The following TMEFF1 variants were observed in gnomAD, a reference collection of about 807,000 sequenced individuals.
TMEFF1 encodes transmembrane protein with EGF like and two follistatin like domains 1, also known as tomoregulin-1.
A neutral mutation model predicts 47.5 loss-of-function variants in TMEFF1; 20 were observed. That is an observed-to-expected ratio of 0.42 (90% CI 0.30 to 0.61). The LOEUF (loss-of-function observed/expected upper bound fraction) is 0.61. Ranked by LOEUF, TMEFF1 falls within the 20% of genes least tolerant of loss-of-function variation. The probability of loss-of-function intolerance (pLI) is 0.19; values close to 1 mark genes in which losing one functional copy is unlikely to be tolerated. For missense variants in TMEFF1, 411 were observed against 471.1 expected, an observed-to-expected ratio of 0.87 and a Z score of 1.18; for synonymous variants, 162 against 166.3, an observed-to-expected ratio of 0.97 and a Z score of 0.20.
intron 8 of TMEFF1, among the ~76,000 whole-genome samples, chr9:100,565,811 CATCT>C (rs1839115507): frequency 6.6e-6 from 1 of 151,948 alleles, no homozygotes; most frequent in South Asian, 2.1e-4. Context: ...TTATTTATTC[CATCT>C]TGGAAAAAAA....
intron 1 of TMEFF1, among the ~76,000 whole-genome samples, chr9:100,476,824 G>T (rs1440793344): frequency 6.6e-6 from 1 of 151,140 alleles, no homozygotes; most frequent in Non-Finnish European, 1.5e-5. Context: ...AGCCTCCCCA[G>T]TAGCTGGGAC....
chr9:100,508,871 C>T (rs758662490), intron 2 of TMEFF1, 134 bp from the exon 3 acceptor site: 192 of 975,140 alleles, frequency 2.0e-4, no homozygotes, highest in Admixed American at 4.5e-4. Context: ...CTTTTTAAGC[C>T]AAAAAAAAAA....
At position 100,494,236 on chromosome 9, in the gene TMEFF1, G is replaced by A. The variant is rs1354348517; in HGVS notation, c.197-4529G>A. The stretch of plus-strand genomic sequence containing the variant: ...AAAAAAAAAAAAAAAAAAAAGTAAG[G>A]TGTCAGAGCACCAGCAAGTCATGAT... On this transcript the variant is annotated intron_variant, in intron 1 of 9. Coordinates refer to ENST00000374879, the MANE Select transcript of TMEFF1 (RefSeq NM_003692.5). Among the ~76,000 whole-genome samples, 8 of 150,362 alleles carry A rather than the reference G, an allele frequency of 5.3e-5. No homozygotes were observed. The South Asian group carries it at 1.7e-3, about 32-fold the overall frequency.
At chr9:100,570,089 C>T (rs760644254) in intron 8 of TMEFF1, among the ~76,000 whole-genome samples, 13 of 152,266 alleles carry the variant, frequency 8.5e-5, no homozygotes, top group South Asian at 4.2e-4. Context: ...TCTGGAGGTT[C>T]ATCCATGCAA....
chr9:100,570,811 A>G (rs749358372), intron 8 of TMEFF1, among the ~76,000 whole-genome samples: 1 of 152,086 alleles, frequency 6.6e-6, no homozygotes, highest in Non-Finnish European at 1.5e-5. Context: ...GTGCTTTGCG[A>G]TAAGCTGCCT....
At chr9:100,508,324 A>T (rs1302438766) in intron 2 of TMEFF1, among the ~76,000 whole-genome samples, 1 of 151,906 alleles carries the variant, frequency 6.6e-6, no homozygotes, top group East Asian at 1.9e-4. Context: ...CATTTCTCAA[A>T]CCTGTATTAC....
chr9:100,502,528 T>TA (rs1462587156), intron 2 of TMEFF1, among the ~76,000 whole-genome samples: 1 of 152,014 alleles, frequency 6.6e-6, no homozygotes, highest in South Asian at 2.1e-4. Context: ...CCTGGCTGAT[T>TA]AAAAAAATTT....
intron 1 of TMEFF1, among the ~76,000 whole-genome samples, chr9:100,480,020 C>T (rs750281376): frequency 6.6e-6 from 1 of 152,190 alleles, no homozygotes; most frequent in African/African-American, 2.4e-5. Flanking sequence ...CCAGCATCTT[C>T]TCCAACACTT....
intron 1 of TMEFF1, among the ~76,000 whole-genome samples, chr9:100,488,700 A>G (rs1396076611): frequency 6.6e-6 from 1 of 152,208 alleles, no homozygotes; most frequent in East Asian, 1.9e-4. Context: ...CCCATTTTGT[A>G]GATGAAGAAA....
intron 1 of TMEFF1, among the ~76,000 whole-genome samples, chr9:100,489,708 A>G (rs1209232632): frequency 6.6e-6 from 1 of 152,200 alleles, no homozygotes; most frequent in African/African-American, 2.4e-5. Flanking sequence ...CATACATTTT[A>G]AAAAGCCTGA....
At chr9:100,489,487 T>A (rs1053057464) in intron 1 of TMEFF1, among the ~76,000 whole-genome samples, 2 of 152,192 alleles carry the variant, frequency 1.3e-5, no homozygotes, top group African/African-American at 4.8e-5. Flanking sequence ...CACTGCACCC[T>A]GCCTACATAA....
At chr9:100,509,423 CA>C (rs1174177852) in intron 3 of TMEFF1, among the ~76,000 whole-genome samples, 1 of 152,060 alleles carries the variant, frequency 6.6e-6, no homozygotes, top group Non-Finnish European at 1.5e-5. Context: ...GAACAGTAGA[CA>C]GAATGAGCTT....
intron 1 of TMEFF1, among the ~76,000 whole-genome samples, chr9:100,497,298 T>TAA (rs1206743599): frequency 6.8e-6 from 1 of 148,072 alleles, no homozygotes; most frequent in Non-Finnish European, 1.5e-5. Context: ...AGCTTTCTCT[T>TAA]GCTTTAAGTT....
chr9:100,537,744 A>T (rs550915536), intron 5 of TMEFF1, among the ~76,000 whole-genome samples: 55 of 152,314 alleles, frequency 3.6e-4, no homozygotes, highest in Middle Eastern at 3.4e-3. Flanking sequence ...ACCCACGCAT[A>T]GTAGATTGTT....
Position 100,576,730 on chromosome 9 carries a change from T to C in TMEFF1, c.*130T>C, listed in dbSNP as rs1405554162. 8.9e-7 allele frequency: 1 copy of C among 1,122,644 alleles called. No individual in the cohort carries two copies. The highest frequency in any genetic ancestry group is 1.2e-6 in the Non-Finnish European group (1 of 802,126). The allele number at this position is 1,122,644 out of a possible 1,614,324, so 69.5% of individuals were successfully genotyped here. On this transcript the variant is annotated 3_prime_UTR_variant, in exon 10 of 10. Coordinates refer to ENST00000374879, the MANE Select transcript of TMEFF1 (RefSeq NM_003692.5). ...TAGTGTAGTACTGTTGGCTCGTATT[T>C]AGAATATTCAGCTACGACAGTTTTG...
intron 6 of TMEFF1, among the ~76,000 whole-genome samples, chr9:100,549,708 T>C (rs1384706478): frequency 6.6e-6 from 1 of 152,220 alleles, no homozygotes; most frequent in Non-Finnish European, 1.5e-5. Context: ...ATTCCCCATT[T>C]ATCTTAATCT....
At chr9:100,557,442 C>T (rs1420776556) in intron 7 of TMEFF1, among the ~76,000 whole-genome samples, 1 of 152,120 alleles carries the variant, frequency 6.6e-6, no homozygotes, top group African/African-American at 2.4e-5. Context: ...CAAATTTTTC[C>T]ATAATCTAGT....
intron 5 of TMEFF1, among the ~76,000 whole-genome samples, chr9:100,524,480 G>A (rs1838220834): frequency 6.6e-6 from 1 of 152,200 alleles, no homozygotes; most frequent in Admixed American, 6.5e-5. Context: ...TCCCTTTTGG[G>A]GAAGTCAGTG....
At chr9:100,485,747 G>T (rs571005565) in intron 1 of TMEFF1, among the ~76,000 whole-genome samples, 1 of 151,936 alleles carries the variant, frequency 6.6e-6, no homozygotes, top group African/African-American at 2.4e-5. Flanking sequence ...TTAGCTTCTT[G>T]AGCATTTAGG....
Sources: allele counts gnomAD v4.1 joint callset (sites outside exome capture counted in the v4.1 genomes callset), GRCh38; gene constraint gnomAD v4.1.1; transcripts MANE v1.5; gene names NCBI Gene and HGNC (gene_info 2026-07-23, HGNC 2026-07-21).